The following RBFOX1 variants were observed in gnomAD, a reference collection of about 807,000 sequenced individuals.
The protein encoded by RBFOX1 is RNA binding fox-1 homolog 1.
RBFOX1 carries 8 observed loss-of-function variants against 57.7 expected under a neutral mutation model. That is an observed-to-expected ratio of 0.14 (90% CI 0.08 to 0.25). The LOEUF (loss-of-function observed/expected upper bound fraction) is 0.25. RBFOX1 is among the 10% of genes least tolerant of loss of function. The probability of loss-of-function intolerance (pLI) is 1.00; values close to 1 mark genes in which losing one functional copy is unlikely to be tolerated. For missense variants in RBFOX1, 611 were observed against 548.5 expected (o/e 1.11, Z -1.14); for synonymous variants, 326 against 222.4 (o/e 1.47, Z -4.15).
At chr16:5,754,049 A>G (rs2053309929) in intron 3 of RBFOX1, among the ~76,000 whole-genome samples, 1 of 152,118 alleles carries the variant, frequency 6.6e-6, no homozygotes, top group Non-Finnish European at 1.5e-5. Flanking sequence ...GTTAGTATGC[A>G]TGTGTTGATA....
At chr16:5,499,687 C>T (rs955508312) in intron 2 of RBFOX1, among the ~76,000 whole-genome samples, 3 of 151,880 alleles carry the variant, frequency 2.0e-5, no homozygotes, top group African/African-American at 7.3e-5. Context: ...ATTCTCCTGT[C>T]TTAGTCTCCC....
chr16:7,613,185 T>C (rs1001402900), intron 10 of RBFOX1, among the ~76,000 whole-genome samples: 1 of 152,142 alleles, frequency 6.6e-6, no homozygotes, highest in African/African-American at 2.4e-5. Flanking sequence ...ATATTTATTA[T>C]TAGTGGAATT....
intron 3 of RBFOX1, among the ~76,000 whole-genome samples, chr16:6,903,165 C>G (rs1012287305): frequency 2.0e-5 from 3 of 152,086 alleles, no homozygotes; most frequent in East Asian, 1.9e-4. Flanking sequence ...GGGGAGGAGC[C>G]TTTCAGATGG....
chr16:6,269,115 G>A (rs1464607226), intron 1 of RBFOX1, among the ~76,000 whole-genome samples: 1 of 151,968 alleles, frequency 6.6e-6, no homozygotes. Context: ...TCAGCAAGAG[G>A]GACAACAACA....
intron 3 of RBFOX1, among the ~76,000 whole-genome samples, chr16:6,793,045 A>G (rs75008055): frequency 6.7e-6 from 1 of 148,750 alleles, no homozygotes; most frequent in African/African-American, 2.5e-5. Context: ...AAAAAAAAAT[A>G]GAAGCGATAA....
At chr16:5,825,198 A>C (rs879282411) in intron 3 of RBFOX1, among the ~76,000 whole-genome samples, 2 of 152,236 alleles carry the variant, frequency 1.3e-5, no homozygotes, top group Non-Finnish European at 2.9e-5. Flanking sequence ...AAACCTTGCA[A>C]GCGTTGCTTA....
intron 4 of RBFOX1, among the ~76,000 whole-genome samples, chr16:7,324,308 C>A (rs955032855): frequency 1.3e-5 from 2 of 152,178 alleles, no homozygotes; most frequent in Non-Finnish European, 2.9e-5. Context: ...GTACAAAAAT[C>A]CTCATTTACC....
intron 4 of RBFOX1, among the ~76,000 whole-genome samples, chr16:7,407,841 C>T (rs527466466): frequency 5.3e-5 from 8 of 152,188 alleles, no homozygotes; most frequent in Admixed American, 3.3e-4. Flanking sequence ...AAAACTATGG[C>T]CCTGGGACCT....
In RBFOX1 at chr16:7,274,341, A is replaced by G. The variant is rs928196817; in HGVS notation, c.27+222243A>G. Among the ~76,000 whole-genome samples, 4 of 152,302 alleles carry G rather than the reference A, an allele frequency of 2.6e-5. No homozygotes were observed. In the South Asian group the frequency reaches 8.3e-4, roughly 32 times the overall value. ...CCCATTTTATTCTTGAGAGAACTGAAATTCAGAAAGTTTAACTGCTTTGCT... is the reference window on the plus strand; with the variant it reads ...CCCATTTTATTCTTGAGAGAACTGAGATTCAGAAAGTTTAACTGCTTTGCT... On this transcript the variant is annotated intron_variant, in intron 4 of 15. Transcript: ENST00000550418.
intron 6 of RBFOX1, among the ~76,000 whole-genome samples, chr16:7,583,592 G>A (rs568502742): frequency 1.3e-5 from 2 of 152,260 alleles, no homozygotes; most frequent in South Asian, 2.1e-4. Context: ...ATGCCTTCAC[G>A]GAATTGTCAG....
Position 6,577,808 on chromosome 16 carries a change from C to T in RBFOX1, c.-63-76795C>T, listed in dbSNP as rs567690955. ...CCTCCTTTTCCCTCCTGTATCCCTACTATGTGCTCAGGAAAAAAATAAACC... is the reference window on the plus strand; with the variant it reads ...CCTCCTTTTCCCTCCTGTATCCCTATTATGTGCTCAGGAAAAAAATAAACC... On this transcript the variant is annotated intron_variant, in intron 2 of 15. Coordinates refer to ENST00000550418, the MANE Select transcript of RBFOX1 (RefSeq NM_018723.4). 2.0e-5 allele frequency among the ~76,000 whole-genome samples: 3 copies of T among 152,244 alleles called. No homozygotes were observed. The South Asian group carries it at 6.2e-4, about 32-fold the overall frequency.
intron 3 of RBFOX1, among the ~76,000 whole-genome samples, chr16:6,958,074 A>G (rs527527169): frequency 4.6e-5 from 7 of 152,004 alleles, no homozygotes; most frequent in African/African-American, 1.7e-4. Context: ...ACTAGCTCTC[A>G]TGGATGTTAA....
intron 3 of RBFOX1, among the ~76,000 whole-genome samples, chr16:6,852,591 C>T (rs1034318779): frequency 6.6e-6 from 1 of 152,160 alleles, no homozygotes; most frequent in African/African-American, 2.4e-5. Context: ...ATGTTGGAAA[C>T]TAGCTGTCCA....
intron 3 of RBFOX1, among the ~76,000 whole-genome samples, chr16:5,658,729 CAT>C (rs952838232): frequency 9.3e-6 from 1 of 107,990 alleles, no homozygotes; most frequent in African/African-American, 3.3e-5. Flanking sequence ...TACATACATA[CAT>C]ATATATAAAT....
At chr16:6,118,405 C>T (rs1459300053) in intron 1 of RBFOX1, among the ~76,000 whole-genome samples, 1 of 152,168 alleles carries the variant, frequency 6.6e-6, no homozygotes, top group Non-Finnish European at 1.5e-5. Flanking sequence ...AATCAAAGCA[C>T]CAGCAGATTC....
chr16:7,340,113 C>A (rs1340254543), intron 4 of RBFOX1, among the ~76,000 whole-genome samples: 3 of 152,208 alleles, frequency 2.0e-5, no homozygotes, highest in Admixed American at 2.0e-4. Flanking sequence ...CACTTTAGAG[C>A]CAGAGGGCAG....
At chr16:6,686,626 G>A (rs11077070) in intron 3 of RBFOX1, among the ~76,000 whole-genome samples, 1 of 152,158 alleles carries the variant, frequency 6.6e-6, no homozygotes, top group South Asian at 2.1e-4. Flanking sequence ...AGCTTCCCCC[G>A]AAAGCACAGG....
intron 3 of RBFOX1, among the ~76,000 whole-genome samples, chr16:6,925,980 A>G (rs1322486432): frequency 6.6e-6 from 1 of 152,108 alleles, no homozygotes; most frequent in Non-Finnish European, 1.5e-5. Flanking sequence ...CCTGGAAACC[A>G]TGTCAACCGT....
chr16:5,745,550 G>T (rs569547036), intron 3 of RBFOX1, among the ~76,000 whole-genome samples: 1 of 152,268 alleles, frequency 6.6e-6, no homozygotes, highest in East Asian at 1.9e-4. Context: ...CTAGTTTACA[G>T]TCCCACCAGC....
Sources: gnomAD v4.1 joint callset for allele counts (sites outside exome capture counted in the v4.1 genomes callset) on GRCh38, gnomAD v4.1.1 for gene constraint, MANE v1.5 for transcripts, NCBI Gene and HGNC (gene_info 2026-07-23, HGNC 2026-07-21) for gene names.